LINGO2: variants seen among roughly 807,000 people sequenced by gnomAD.
The protein encoded by LINGO2 is leucine-rich repeat and immunoglobulin-like domain-containing nogo receptor-interacting protein 2.
A neutral mutation model predicts 30.6 loss-of-function variants in LINGO2; 14 were observed. The observed-to-expected ratio is 0.46, with a 90% CI of 0.30 to 0.72. The LOEUF is 0.72. Among genes scored for constraint, LINGO2 ranks in the 30% least tolerant of loss-of-function variants. The probability of loss-of-function intolerance (pLI) is 0.07; values close to 1 mark genes in which losing one functional copy is unlikely to be tolerated. For synonymous variants in LINGO2, 317 were observed against 288.5 expected (o/e 1.10, Z -1.00); for missense variants, 729 against 751.7 (o/e 0.97, Z 0.35).
chr9:28,598,222 C>T (rs1439297636), intron 1 of LINGO2, among the ~76,000 whole-genome samples: 1 of 151,848 alleles, frequency 6.6e-6, no homozygotes, highest in Non-Finnish European at 1.5e-5. Flanking sequence ...AGTAAACATC[C>T]ACAGAAACAA....
intron 1 of LINGO2, among the ~76,000 whole-genome samples, chr9:28,537,392 A>G (rs1821482137): frequency 1.3e-5 from 2 of 152,154 alleles, no homozygotes; most frequent in Admixed American, 1.3e-4. Context: ...GATTCTTGCT[A>G]ATATTTAGAA....
At chr9:28,044,840 T>G (rs749379749) in intron 4 of LINGO2, among the ~76,000 whole-genome samples, 1 of 152,148 alleles carries the variant, frequency 6.6e-6, no homozygotes, top group Non-Finnish European at 1.5e-5. Context: ...AAGAGAAAGC[T>G]GAAAGTGCAG....
At chr9:29,102,892 T>A in the LINGO2 span, among the ~76,000 whole-genome samples, 10 of 152,204 alleles carry the variant, frequency 6.6e-5, no homozygotes, top group African/African-American at 2.2e-4. Context: ...ACAATCTCCA[T>A]TGAAAGGAAG....
At position 28,642,258 on chromosome 9, in the gene LINGO2, T is replaced by G. The variant is rs982395710; in HGVS notation, c.-365+27942A>C. 2.6e-5 allele frequency among the ~76,000 whole-genome samples: 4 copies of G among 152,088 alleles called. No homozygotes were observed. In the South Asian group the frequency reaches 8.3e-4, roughly 32 times the overall value. ...AAGTGTCCTTAAAAAACCCCAAATTTCAGTAAACATATTCTGCTAAAACTT... is the reference window on the plus strand; with the variant it reads ...AAGTGTCCTTAAAAAACCCCAAATTGCAGTAAACATATTCTGCTAAAACTT... On this transcript the variant is annotated intron_variant, in intron 1 of 5. Coordinates refer to ENST00000379992, the Ensembl canonical transcript of LINGO2.
At chr9:28,701,370 A>G in the LINGO2 span, among the ~76,000 whole-genome samples, 2 of 151,964 alleles carry the variant, frequency 1.3e-5, no homozygotes, top group African/African-American at 4.8e-5. Context: ...TATTTTGGCC[A>G]TGGATATCCA....
At chr9:28,184,249 G>T (rs1819460953) in intron 4 of LINGO2, among the ~76,000 whole-genome samples, 1 of 152,082 alleles carries the variant, frequency 6.6e-6, no homozygotes, top group Non-Finnish European at 1.5e-5. Context: ...TACTTCTTTT[G>T]TATACTTCCA....
the LINGO2 span, among the ~76,000 whole-genome samples, chr9:28,759,165 A>C: frequency 6.6e-5 from 10 of 152,012 alleles, no homozygotes; most frequent in East Asian, 1.9e-3. Context: ...CAAATAGTAG[A>C]GGAGAGACTC....
At chr9:29,073,512 T>A in the LINGO2 span, among the ~76,000 whole-genome samples, 3 of 152,150 alleles carry the variant, frequency 2.0e-5, no homozygotes, top group Non-Finnish European at 4.4e-5. Flanking sequence ...TTAAAAGAAT[T>A]AAAGAATTGT....
chr9:28,727,378 C>A, the LINGO2 span, among the ~76,000 whole-genome samples: 2 of 151,962 alleles, frequency 1.3e-5, no homozygotes, highest in African/African-American at 2.4e-5. Context: ...CTCCGCCTCC[C>A]AGGTTCAAGC....
At chr9:28,685,857 A>G in the LINGO2 span, among the ~76,000 whole-genome samples, 1 of 152,102 alleles carries the variant, frequency 6.6e-6, no homozygotes, top group Non-Finnish European at 1.5e-5. Flanking sequence ...AAATTCTATT[A>G]TGACTACTCA....
chr9:28,047,078 C>T (rs1000440199), intron 4 of LINGO2, among the ~76,000 whole-genome samples: 2 of 152,044 alleles, frequency 1.3e-5, no homozygotes, highest in East Asian at 1.9e-4. Flanking sequence ...TCCCCATAAG[C>T]AGACAGTAAA....
chr9:28,212,233 AACTC>A (rs1437751740), intron 4 of LINGO2, among the ~76,000 whole-genome samples: 2 of 151,522 alleles, frequency 1.3e-5, no homozygotes, highest in Non-Finnish European at 3.0e-5. Flanking sequence ...ATTGTTATTA[AACTC>A]ACTATTTCTC....
the LINGO2 span, among the ~76,000 whole-genome samples, chr9:28,866,650 A>G: frequency 6.6e-6 from 1 of 152,204 alleles, no homozygotes; most frequent in Non-Finnish European, 1.5e-5. Flanking sequence ...GTTACAGGAT[A>G]TGAAGTAGAT....
At chr9:29,109,493 T>C in the LINGO2 span, among the ~76,000 whole-genome samples, 1 of 152,186 alleles carries the variant, frequency 6.6e-6, no homozygotes, top group Non-Finnish European at 1.5e-5. Context: ...ATGAATTACC[T>C]ATATATAAGG....
intron 1 of LINGO2, among the ~76,000 whole-genome samples, chr9:28,668,506 A>G (rs73644096): frequency 1.3e-5 from 2 of 151,960 alleles, no homozygotes; most frequent in Non-Finnish European, 2.9e-5. Context: ...AATAACTTCT[A>G]ATAATTTCTT....
Position 28,586,644 on chromosome 9 carries a change from A to G in LINGO2, c.-365+83556T>C, listed in dbSNP as rs145309284. 3.8e-3 allele frequency among the ~76,000 whole-genome samples: 585 copies of G among 152,122 alleles called. 8 individuals carry two copies. Among genetic ancestry groups the G allele is most frequent in the African/African-American group, 0.014 (561 of 41,544 alleles). The stretch of plus-strand genomic sequence containing the variant: ...AAATATATCTGTCCTTCCAATAGCC[A>G]AGTGCTGCTCTGTCTGTTCTGTGTT... On this transcript the variant is annotated intron_variant, in intron 1 of 5. Coordinates refer to ENST00000379992, the Ensembl canonical transcript of LINGO2.
intron 4 of LINGO2, among the ~76,000 whole-genome samples, chr9:28,149,453 G>T (rs10125567): frequency 1.3e-5 from 2 of 151,696 alleles, no homozygotes; most frequent in Non-Finnish European, 2.9e-5. Context: ...AGTGAGGAGC[G>T]CCTCTGCCCG....
In LINGO2 at chr9:28,476,765, G is replaced by A. The variant is rs146606877; in HGVS notation, c.-364-740C>T. On this transcript the variant is annotated intron_variant, in intron 1 of 5. Transcript: ENST00000379992. ...AACCTGCTTTCAAAGGTTAAAATCT[G>A]ACAATGTGGTCAGCATGCAAGTCTA... Among the ~76,000 whole-genome samples, 121 of 152,280 alleles carry A rather than the reference G, an allele frequency of 7.9e-4. 1 individual carries two copies. The East Asian group carries it at 0.021, about 26-fold the overall frequency.
chr9:28,971,994 A>G, the LINGO2 span, among the ~76,000 whole-genome samples: 3 of 152,198 alleles, frequency 2.0e-5, no homozygotes, highest in Non-Finnish European at 4.4e-5. Context: ...AGAGAACAAG[A>G]GTCTCTACCT....
Sources: allele counts gnomAD v4.1 joint callset (sites outside exome capture counted in the v4.1 genomes callset), GRCh38; gene constraint gnomAD v4.1.1; transcripts MANE v1.5; gene names NCBI Gene and HGNC (gene_info 2026-07-23, HGNC 2026-07-21).